Variants in TANC2 observed in about 807,000 individuals in gnomAD.
The protein encoded by TANC2 is protein TANC2.
In TANC2, 26 loss-of-function variants were observed where a neutral mutation model predicts 210.5. The ratio of observed to expected loss-of-function variants is 0.12; its 90% CI spans 0.09 to 0.17. The LOEUF (loss-of-function observed/expected upper bound fraction) is 0.17, where lower values mean the gene tolerates loss of function less well. Among genes scored for constraint, TANC2 ranks in the 10% least tolerant of loss-of-function variants. The probability of loss-of-function intolerance (pLI) is 1.00; values close to 1 mark genes in which losing one functional copy is unlikely to be tolerated. For synonymous variants in TANC2, 931 were observed against 967.1 expected (o/e 0.96, Z 0.69); for missense variants, 2,129 against 2,608.9 (o/e 0.82, Z 4.01).
intron 24 of TANC2, chr17:63,413,335 A>G (rs2048761245): frequency 4.2e-6 from 2 of 474,994 alleles, no homozygotes; most frequent in Non-Finnish European, 7.5e-6. Flanking sequence ...TGGTTCAAGT[A>G]TTCTTATTTT....
At chr17:63,364,450 T>C (rs1041226915) in intron 14 of TANC2, among the ~76,000 whole-genome samples, 2 of 152,206 alleles carry the variant, frequency 1.3e-5, no homozygotes, top group African/African-American at 4.8e-5. Flanking sequence ...ACTTATTCTG[T>C]CATAAAAACT....
At chr17:62,975,346 T>C (rs2031940716) in intron 1 of TANC2, among the ~76,000 whole-genome samples, 1 of 152,194 alleles carries the variant, frequency 6.6e-6, no homozygotes. Flanking sequence ...ATATTTATTG[T>C]ACTCTGTAAT....
intron 8 of TANC2, among the ~76,000 whole-genome samples, chr17:63,240,970 A>G (rs752613482): frequency 3.4e-4 from 51 of 152,222 alleles, no homozygotes; most frequent in Non-Finnish European, 6.0e-4. Context: ...TTAGCAACTG[A>G]GAAGACTCCA....
At chr17:63,271,772 G>GT (rs909651100) in intron 9 of TANC2, among the ~76,000 whole-genome samples, 1 of 151,480 alleles carries the variant, frequency 6.6e-6, no homozygotes, top group Non-Finnish European at 1.5e-5. Context: ...AGGGTTATCT[G>GT]TTTTTTCTTA....
chr17:63,378,887 G>GT (rs938257820), intron 14 of TANC2, among the ~76,000 whole-genome samples: 87 of 152,348 alleles, frequency 5.7e-4, no homozygotes, highest in African/African-American at 2.0e-3. Context: ...TGTAAGTCCA[G>GT]TTTGGGTCGT....
chr17:63,272,792 G>C (rs2043753236), intron 9 of TANC2, among the ~76,000 whole-genome samples: 2 of 152,142 alleles, frequency 1.3e-5, no homozygotes, highest in Admixed American at 6.6e-5. Flanking sequence ...ATACCCAGTA[G>C]ATAACTAAGT....
rs116291993 is a variant in TANC2, at chr17:63,406,066, A to G, written c.3466-88A>G. On this transcript the variant is annotated intron_variant, in intron 20 of 27. Transcript: ENST00000689528. ...CATGGGTGACTCGTACAGCAGTAGGAATTCCTACAGAGTAAGAGATAGTGT... is the reference window on the plus strand; with the variant it reads ...CATGGGTGACTCGTACAGCAGTAGGGATTCCTACAGAGTAAGAGATAGTGT... 6.8e-4 allele frequency: 1,050 copies of G among 1,541,970 alleles called. 8 individuals are homozygous for G. In the African/African-American group the frequency reaches 0.013, roughly 19 times the overall value.
At chr17:63,365,911 TTTA>T (rs1157965739) in intron 14 of TANC2, among the ~76,000 whole-genome samples, 4 of 152,046 alleles carry the variant, frequency 2.6e-5, no homozygotes, top group African/African-American at 7.2e-5. Flanking sequence ...CTTATCACAA[TTTA>T]TTATTAATTG....
chr17:63,340,988 C>G (rs1041192916), intron 12 of TANC2, among the ~76,000 whole-genome samples: 7 of 152,336 alleles, frequency 4.6e-5, no homozygotes, highest in African/African-American at 1.4e-4. Context: ...GCAACCATTT[C>G]CTTGAAAATG....
At chr17:62,999,141 C>G (rs2033253719) in intron 1 of TANC2, among the ~76,000 whole-genome samples, 1 of 152,156 alleles carries the variant, frequency 6.6e-6, no homozygotes, top group African/African-American at 2.4e-5. Flanking sequence ...TTGGTGCTAC[C>G]TTTACAGTAG....
chr17:62,997,870 T>C (rs1040449658), intron 1 of TANC2, among the ~76,000 whole-genome samples: 7 of 152,062 alleles, frequency 4.6e-5, no homozygotes, highest in African/African-American at 1.7e-4. Context: ...AAAAGTAATA[T>C]AAAACCATTT....
chr17:62,977,548 G>C (rs1329261167), intron 1 of TANC2, among the ~76,000 whole-genome samples: 1 of 151,948 alleles, frequency 6.6e-6, no homozygotes, highest in Non-Finnish European at 1.5e-5. Flanking sequence ...TTAAATGTAG[G>C]CATTTATTGG....
At chr17:63,218,769 A>G (rs565824833) in intron 7 of TANC2, among the ~76,000 whole-genome samples, 4 of 152,036 alleles carry the variant, frequency 2.6e-5, no homozygotes, top group Admixed American at 2.6e-4. Context: ...GGTGGTAGAC[A>G]CCTGTAATGC....
chr17:63,041,700 T>A (rs530241567), intron 2 of TANC2, among the ~76,000 whole-genome samples: 7 of 152,206 alleles, frequency 4.6e-5, no homozygotes, highest in African/African-American at 1.7e-4. Flanking sequence ...CTAAAAAGAG[T>A]TTTATGTTAA....
intron 8 of TANC2, among the ~76,000 whole-genome samples, chr17:63,252,091 C>CA (rs1406412860): frequency 1.3e-5 from 2 of 151,894 alleles, no homozygotes; most frequent in Admixed American, 1.3e-4. Context: ...TTTTTTGATA[C>CA]AAAAATTAAA....
intron 14 of TANC2, among the ~76,000 whole-genome samples, chr17:63,366,312 G>C (rs2047108999): frequency 6.6e-6 from 1 of 152,132 alleles, no homozygotes; most frequent in South Asian, 2.1e-4. Context: ...ATACAAGTAA[G>C]ATCTGTCTAC....
intron 5 of TANC2, among the ~76,000 whole-genome samples, chr17:63,172,184 TTTTC>T (rs1375896668): frequency 1.3e-5 from 2 of 151,416 alleles, no homozygotes; most frequent in Non-Finnish European, 2.9e-5. Flanking sequence ...TTTTTCTTTC[TTTTC>T]TTTTCTTTTT....
intron 2 of TANC2, among the ~76,000 whole-genome samples, chr17:63,064,772 GTATA>G (rs1468101312): frequency 2.0e-5 from 3 of 151,528 alleles, no homozygotes; most frequent in Non-Finnish European, 2.9e-5. Context: ...AAAAATAAAA[GTATA>G]TATTTATGAC....
At chr17:63,322,895 G>T (rs1479040532) in intron 11 of TANC2, among the ~76,000 whole-genome samples, 2 of 152,178 alleles carry the variant, frequency 1.3e-5, no homozygotes, top group African/African-American at 4.8e-5. Flanking sequence ...TTTGAGGCAT[G>T]ATTACATGTT....
Sources: allele counts gnomAD v4.1 joint callset (sites outside exome capture counted in the v4.1 genomes callset), GRCh38; gene constraint gnomAD v4.1.1; transcripts MANE v1.5; gene names NCBI Gene and HGNC (gene_info 2026-07-23, HGNC 2026-07-21).